Variants in SNTB1 observed in about 807,000 individuals in gnomAD.
The protein encoded by SNTB1 is syntrophin beta 1, also known as beta-1-syntrophin.
A neutral mutation model predicts 48.9 loss-of-function variants in SNTB1; 36 were observed. That is an observed-to-expected ratio of 0.74 (90% confidence interval 0.56 to 0.97). The LOEUF is 0.97. Among genes scored for constraint, SNTB1 ranks in the 50% least tolerant of loss-of-function variants. The pLI, the probability that SNTB1 is intolerant of heterozygous loss-of-function variation, is 0.00. For synonymous variants in SNTB1, 299 were observed against 294.6 expected, an observed-to-expected ratio of 1.01 and a Z score of -0.15; for missense variants, 786 against 703.4, an observed-to-expected ratio of 1.12 and a Z score of -1.33.
At chr8:120,596,269 A>C (rs547142742) in intron 3 of SNTB1, among the ~76,000 whole-genome samples, 104 of 151,644 alleles carry the variant, frequency 6.9e-4, no homozygotes, top group African/African-American at 2.5e-3. Context: ...CACTAAACCA[A>C]AAATCTATCA....
chr8:120,714,474 T>C (rs1218517557), intron 1 of SNTB1, among the ~76,000 whole-genome samples: 1 of 151,912 alleles, frequency 6.6e-6, no homozygotes, highest in African/African-American at 2.4e-5. Context: ...CATGGAGATA[T>C]ATAAAGTCCT....
intron 5 of SNTB1, among the ~76,000 whole-genome samples, chr8:120,546,765 G>T (rs1295002923): frequency 6.6e-6 from 1 of 151,858 alleles, no homozygotes; most frequent in African/African-American, 2.4e-5. Context: ...CCACCACACC[G>T]GGTTTCCAGT....
chr8:120,811,380 T>A lies in SNTB1; in HGVS notation c.464A>T (p.Tyr155Phe). 1 of 1,613,944 alleles carries A rather than the reference T, an allele frequency of 6.2e-7. No individual in the cohort carries two copies. The highest frequency in any genetic ancestry group is 8.5e-7 in the Non-Finnish European group (1 of 1,179,944). The change falls in exon 1 of 7, where the codon TAC (tyrosine) becomes TTC (phenylalanine). Residue 155 changes from tyrosine (Y) to phenylalanine (F), a missense_variant. Transcript: ENST00000517992. ...GLAADQTQAL[Y>F]VGDAILSVNG... ...CACGGACAGGATGGCGTCGCCCACG[T>A]ACAGGGCTTGGGTCTGGTCCGCCGC...
chr8:120,731,544 T>C (rs1280375183), intron 1 of SNTB1, among the ~76,000 whole-genome samples: 1 of 152,202 alleles, frequency 6.6e-6, no homozygotes, highest in African/African-American at 2.4e-5. Flanking sequence ...CTAGTCCTGA[T>C]TGCTTAATAT....
chr8:120,796,138 C>T (rs755296226), intron 1 of SNTB1, among the ~76,000 whole-genome samples: 7 of 151,914 alleles, frequency 4.6e-5, no homozygotes, highest in Admixed American at 6.6e-5. Flanking sequence ...AAGTGTGTAG[C>T]ACCTCCCCCT....
At chr8:120,571,323 G>A (rs908859090) in intron 4 of SNTB1, 17 of 1,287,938 alleles carry the variant, frequency 1.3e-5, no homozygotes, top group Admixed American at 4.6e-5. Context: ...TTTCTGTTGC[G>A]GGAATGTCTC....
chr8:120,672,628 T>C (rs1446148833), intron 2 of SNTB1, among the ~76,000 whole-genome samples: 1 of 152,200 alleles, frequency 6.6e-6, no homozygotes, highest in Non-Finnish European at 1.5e-5. Flanking sequence ...CTAGTTTATG[T>C]CCAGAAATAC....
intron 5 of SNTB1, among the ~76,000 whole-genome samples, chr8:120,544,370 T>C (rs1815342913): frequency 6.6e-6 from 1 of 152,196 alleles, no homozygotes; most frequent in Non-Finnish European, 1.5e-5. Flanking sequence ...TCTCAACCTA[T>C]ACAGAATAAA....
At chr8:120,791,651 C>T (rs1356574190) in intron 1 of SNTB1, among the ~76,000 whole-genome samples, 1 of 151,788 alleles carries the variant, frequency 6.6e-6, no homozygotes, top group Non-Finnish European at 1.5e-5. Context: ...ATACTTGAAG[C>T]TATGAATTTC....
intron 1 of SNTB1, among the ~76,000 whole-genome samples, chr8:120,751,474 CT>C (rs150773856): frequency 0.14 from 20,604 of 151,310 alleles, 1,861 homozygotes; most frequent in African/African-American, 0.25. Flanking sequence ...TTAAAGGATA[CT>C]TTTTTTTTGT....
chr8:120,682,959 G>A (rs981721141), intron 2 of SNTB1, among the ~76,000 whole-genome samples: 3 of 141,134 alleles, frequency 2.1e-5, no homozygotes, highest in African/African-American at 8.2e-5. Flanking sequence ...TCGGCTCACT[G>A]CAACCTCCGC....
Position 120,536,212 on chromosome 8 carries a change from C to T in SNTB1, c.*2665G>A. ...AAGGATGTCACTGCACCAGAGGACT[C>T]ACTTAACCACATCTACTGACAAATA... On this transcript the variant is annotated 3_prime_UTR_variant, in exon 7 of 7. Transcript: ENST00000517992. 6.6e-6 allele frequency: 1 copy of T among 152,300 alleles called. No individual in the cohort carries two copies. The highest frequency in any genetic ancestry group is 2.4e-5 in the African/African-American group (1 of 41,566). The allele number at this position is 152,300 out of a possible 1,614,324, so 9.4% of individuals were successfully genotyped here. A position where few individuals can be genotyped will look rare whatever the true frequency, so the allele number is the denominator to read the frequency against.
At chr8:120,579,750 GT>G (rs1816013533) in intron 3 of SNTB1, among the ~76,000 whole-genome samples, 1 of 152,172 alleles carries the variant, frequency 6.6e-6, no homozygotes, top group Non-Finnish European at 1.5e-5. Flanking sequence ...CAAAGGGACA[GT>G]TTTACCAGAA....
chr8:120,751,245 A>C (rs1175244135), intron 1 of SNTB1, among the ~76,000 whole-genome samples: 1 of 152,118 alleles, frequency 6.6e-6, no homozygotes, highest in Non-Finnish European at 1.5e-5. Flanking sequence ...TTTTGATGGA[A>C]ATCTGATATG....
At chr8:120,719,242 G>A (rs929201287) in intron 1 of SNTB1, among the ~76,000 whole-genome samples, 2 of 152,166 alleles carry the variant, frequency 1.3e-5, no homozygotes, top group African/African-American at 2.4e-5. Flanking sequence ...TCAGCTGCCA[G>A]TGTCGCTAGA....
intron 1 of SNTB1, among the ~76,000 whole-genome samples, chr8:120,738,006 A>G (rs1478030679): frequency 2.0e-5 from 3 of 152,172 alleles, no homozygotes. Context: ...CCAAATTCAC[A>G]TATTGAAATC....
chr8:120,704,821 T>C (rs1470622122), intron 1 of SNTB1, among the ~76,000 whole-genome samples: 2 of 152,192 alleles, frequency 1.3e-5, no homozygotes, highest in Non-Finnish European at 2.9e-5. Flanking sequence ...TGAAATATAA[T>C]AGGGATAAAG....
At chr8:120,750,296 A>G (rs1819189986) in intron 1 of SNTB1, among the ~76,000 whole-genome samples, 1 of 152,124 alleles carries the variant, frequency 6.6e-6, no homozygotes, top group Non-Finnish European at 1.5e-5. Flanking sequence ...ATCTTGAATT[A>G]GTGTATTTAT....
At chr8:120,561,552 T>C (rs912827917) in intron 4 of SNTB1, among the ~76,000 whole-genome samples, 6 of 152,130 alleles carry the variant, frequency 3.9e-5, no homozygotes, top group Admixed American at 2.0e-4. Context: ...CTTGGAGCTA[T>C]ACTTTTTAAA....
Sources: gnomAD v4.1 joint callset for allele counts (sites outside exome capture counted in the v4.1 genomes callset) on GRCh38, gnomAD v4.1.1 for gene constraint, MANE v1.5 for transcripts, NCBI Gene and HGNC (gene_info 2026-07-23, HGNC 2026-07-21) for gene names.